ATXN7: variants seen among roughly 807,000 people sequenced by gnomAD.
ATXN7 encodes the protein ataxin-7.
Under a neutral mutation model 70.5 loss-of-function variants are expected in ATXN7, and 12 were observed. The observed-to-expected ratio is 0.17, with a 90% CI of 0.11 to 0.28. The LOEUF (loss-of-function observed/expected upper bound fraction) is 0.28. ATXN7 is among the 10% of genes least tolerant of loss of function. ATXN7 has a pLI of 1.00. For missense variants in ATXN7, 1,256 were observed against 1,131.7 expected, an observed-to-expected ratio of 1.11 and a Z score of -1.58; for synonymous variants, 498 against 448.7, an observed-to-expected ratio of 1.11 and a Z score of -1.39.
chr3:63,911,423 G>A (rs1704009579), intron 2 of ATXN7: 1 of 152,258 alleles, frequency 6.6e-6, no homozygotes, highest in African/African-American at 2.4e-5. Flanking sequence ...TTCTAAACAT[G>A]TTTTGTAGGA....
At chr3:63,890,931 A>G (rs543040396) in intron 1 of ATXN7, among the ~76,000 whole-genome samples, 18 of 152,342 alleles carry the variant, frequency 1.2e-4, no homozygotes, top group African/African-American at 3.8e-4. Context: ...ACTGAAGCTC[A>G]AGCCAGAGAG....
chr3:63,885,614 A>G (rs1439649110), intron 1 of ATXN7, among the ~76,000 whole-genome samples: 1 of 152,238 alleles, frequency 6.6e-6, no homozygotes, highest in Non-Finnish European at 1.5e-5. Flanking sequence ...AAAGGAAATC[A>G]GTATGTCACA....
intron 3 of ATXN7, 80 bp downstream of exon 3, chr3:63,913,003 T>G (rs1704114646): frequency 5.3e-6 from 4 of 760,964 alleles, no homozygotes; most frequent in East Asian, 1.3e-4. Context: ...GCCCCCCTCC[T>G]GTGACCCGCC....
chr3:63,906,901 A>G (rs1412890025), intron 2 of ATXN7, among the ~76,000 whole-genome samples: 1 of 152,238 alleles, frequency 6.6e-6, no homozygotes, highest in African/African-American at 2.4e-5. Context: ...CAAACTGTAG[A>G]GGACCTTGAA....
At chr3:63,982,855 G>C in intron 7 of ATXN7, 84 bp from the exon 8 acceptor site, 1 of 1,045,140 alleles carries the variant, frequency 9.6e-7, no homozygotes, top group Non-Finnish European at 1.5e-6. Flanking sequence ...TTATCTAACT[G>C]TTGATTTCTT....
rs190142927 is a variant in ATXN7, at chr3:63,988,205, G to A, written c.1242G>A (p.Pro414=). 2.5e-5 allele frequency: 40 copies of A among 1,613,874 alleles called. No homozygotes were observed. The Admixed American group carries it at 4.2e-4, about 17-fold the overall frequency. The change falls in exon 9 of 13, where the codon CCG becomes CCA. Residue 414 remains proline (P), a synonymous_variant. Transcript: ENST00000674280. ...SQQPPQPLRD[P]HPAPPRTSQE... ...AACCACCGCAGCCTCTCAGGGACCC[G>A]CATCCCGCCCCTCCTAGAACGTCAC...
chr3:63,871,503 C>CA (rs776703161), intron 1 of ATXN7, among the ~76,000 whole-genome samples: 2 of 152,040 alleles, frequency 1.3e-5, no homozygotes, highest in Non-Finnish European at 2.9e-5. Flanking sequence ...GTGAAGTATG[C>CA]ACAGATGTAT....
At position 63,979,960 on chromosome 3, in the gene ATXN7, C is replaced by T; in HGVS notation, c.545C>T (p.Pro182Leu). 1.9e-6 allele frequency: 3 copies of T among 1,614,198 alleles called. No individual in the cohort carries two copies. Among genetic ancestry groups the T allele is most frequent in the Non-Finnish European group, 2.5e-6 (3 of 1,180,036 alleles). The change falls in exon 6 of 13, where the codon CCC (proline) becomes CTC (leucine). Residue 182 changes from proline to leucine, a missense_variant. Coordinates refer to ENST00000674280, the MANE Select transcript of ATXN7 (RefSeq NM_001377405.1). ...SSSKPPLAVP[P>L]TSVFSFFPSL... ...AGCAAGCCGCCTTTGGCCGTTCCTCCCACTTCAGTATTTTCCTTCTTCCCT... is the reference window on the plus strand; with the variant it reads ...AGCAAGCCGCCTTTGGCCGTTCCTCTCACTTCAGTATTTTCCTTCTTCCCT...
At chr3:63,987,613 T>C (rs1025655278) in intron 8 of ATXN7, among the ~76,000 whole-genome samples, 4 of 152,226 alleles carry the variant, frequency 2.6e-5, no homozygotes, top group Admixed American at 2.6e-4. Flanking sequence ...GAACACTTTC[T>C]GATACATGTT....
rs1423036442 is a variant in ATXN7 at position 63,898,394 on chromosome 3, T to G, written c.-110-5T>G. On this transcript the variant is annotated splice_polypyrimidine_tract_variant and splice_region_variant and intron_variant, in intron 1 of 12. Transcript: ENST00000674280. ...CATCCATTTGCCTTTTTTCTGTTTT[T>G]GCAGATCTGAACAGAATTAAGACGA... 6.6e-6 allele frequency: 1 copy of G among 152,234 alleles called. No homozygotes were observed. The highest frequency in any genetic ancestry group is 1.9e-4 in the East Asian group (1 of 5,204). The allele number at this position is 152,234 out of a possible 1,614,324, so 9.4% of individuals were successfully genotyped here.
At chr3:63,890,873 T>A (rs1330555430) in intron 1 of ATXN7, among the ~76,000 whole-genome samples, 1 of 152,194 alleles carries the variant, frequency 6.6e-6, no homozygotes, top group Non-Finnish European at 1.5e-5. Flanking sequence ...TCTGCCCTCC[T>A]GTAAGTACTT....
rs1351150040 is a variant in ATXN7, at chr3:63,864,070, G to A, written c.-199G>A. 1.4e-5 allele frequency among the ~76,000 whole-genome samples: 2 copies of A among 145,602 alleles called. No homozygotes were observed. The highest frequency in any genetic ancestry group is 3.1e-5 in the Non-Finnish European group (2 of 65,530). On this transcript the variant is annotated 5_prime_UTR_variant, in exon 1 of 13. Coordinates refer to ENST00000674280, the MANE Select transcript of ATXN7 (RefSeq NM_001377405.1). The stretch of plus-strand genomic sequence containing the variant: ...AGGCTTGGCGGCCGGCGGCGGCCCC[G>A]GCTGCAGCCCGGGCTCCCGCCGCCC...
intron 4 of ATXN7, among the ~76,000 whole-genome samples, chr3:63,928,395 T>G: frequency 7.6e-6 from 1 of 131,916 alleles, no homozygotes; most frequent in East Asian, 2.4e-4. Flanking sequence ...AGCTATGTGG[T>G]TGCATACCCA....
At chr3:63,900,654 G>C (rs1703601733) in intron 2 of ATXN7, 1 of 152,358 alleles carries the variant, frequency 6.6e-6, no homozygotes, top group Non-Finnish European at 1.5e-5. Context: ...ATGTTTGGCA[G>C]AATGCCAGAG....
chr3:63,969,768 T>G (rs2075282363), intron 5 of ATXN7, among the ~76,000 whole-genome samples: 1 of 152,202 alleles, frequency 6.6e-6, no homozygotes, highest in Admixed American at 6.5e-5. Context: ...TGGAAGGCTA[T>G]CCTTATAAAG....
chr3:63,956,315 G>C (rs564794731), intron 5 of ATXN7, among the ~76,000 whole-genome samples: 1 of 151,742 alleles, frequency 6.6e-6, no homozygotes, highest in African/African-American at 2.4e-5. Flanking sequence ...CTCCCACTTG[G>C]GAGGCTGAGG....
intron 5 of ATXN7, among the ~76,000 whole-genome samples, chr3:63,973,193 T>G (rs2075341623): frequency 6.6e-6 from 1 of 152,188 alleles, no homozygotes; most frequent in Non-Finnish European, 1.5e-5. Flanking sequence ...TCTTGCCCTT[T>G]TCAGGTAATC....
At position 63,864,100 on chromosome 3, in the gene ATXN7, T is replaced by G. The variant is rs1702326171; in HGVS notation, c.-169T>G. Among the ~76,000 whole-genome samples, 1 of 145,050 alleles carries G rather than the reference T, an allele frequency of 6.9e-6. No individual in the cohort carries two copies. The highest frequency in any genetic ancestry group is 2.5e-5 in the African/African-American group (1 of 40,238). On this transcript the variant is annotated 5_prime_UTR_variant, in exon 1 of 13. Transcript: ENST00000674280. ...CAGCCCGGGCTCCCGCCGCCCCCCT[T>G]GCAGCCCCCGCCCGGCCCACGCCCA...
In ATXN7 at chr3:63,982,247, T is replaced by C; in HGVS notation, c.814T>C (p.Ser272Pro). 6.2e-7 allele frequency: 1 copy of C among 1,614,154 alleles called. No homozygotes were observed. The highest frequency in any genetic ancestry group is 1.1e-5 in the South Asian group (1 of 91,078). The change falls in exon 7 of 13, where the codon TCT (serine) becomes CCT (proline). Residue 272 changes from serine to proline, a missense_variant. Physicochemically the swap from Ser to Pro is moderately conservative, Grantham distance 74. Coordinates refer to ENST00000674280, the MANE Select transcript of ATXN7 (RefSeq NM_001377405.1). ...HPKMDGTLLK[S>P]AVGPTCPATV... ...GAAAATGGATGGCACACTACTGAAA[T>C]CTGCGGTGGGGCCAACCTGTCCTGC...
Sources: gnomAD v4.1 joint callset for allele counts (sites outside exome capture counted in the v4.1 genomes callset) on GRCh38, gnomAD v4.1.1 for gene constraint, MANE v1.5 for transcripts, NCBI Gene and HGNC (gene_info 2026-07-23, HGNC 2026-07-21) for gene names.